THRB: variants seen among roughly 807,000 people sequenced by gnomAD.
THRB encodes the protein thyroid hormone receptor beta.
In THRB, 12 loss-of-function variants were observed where a neutral mutation model predicts 47.8. The observed-to-expected ratio is 0.25, with a 90% CI of 0.16 to 0.41. The LOEUF (loss-of-function observed/expected upper bound fraction) is 0.41, where lower values mean the gene tolerates loss of function less well. Among genes scored for constraint, THRB ranks in the 10% least tolerant of loss-of-function variants. The probability of loss-of-function intolerance (pLI) is 1.00; values close to 1 mark genes in which losing one functional copy is unlikely to be tolerated. For synonymous variants in THRB, 218 were observed against 212.2 expected (o/e 1.03, Z -0.24); for missense variants, 348 against 589.2 (o/e 0.59, Z 4.24).
At chr3:24,280,808 C>A (rs1012580587) in intron 3 of THRB, among the ~76,000 whole-genome samples, 3 of 151,128 alleles carry the variant, frequency 2.0e-5, no homozygotes, top group Admixed American at 1.3e-4. Flanking sequence ...CTCAGGAGCC[C>A]ATGCGATCAA....
chr3:24,130,831 C>T (rs1249834800), intron 9 of THRB, among the ~76,000 whole-genome samples: 1 of 152,092 alleles, frequency 6.6e-6, no homozygotes, highest in African/African-American at 2.4e-5. Context: ...AGAACATTCA[C>T]AGGAGCATAT....
intron 5 of THRB, among the ~76,000 whole-genome samples, chr3:24,179,179 C>CT (rs903066064): frequency 1.3e-5 from 2 of 152,172 alleles, no homozygotes; most frequent in African/African-American, 4.8e-5. Flanking sequence ...CTCTCCAGCT[C>CT]TGGTCCTCAC....
At chr3:24,335,522 G>T (rs2062193767) in intron 2 of THRB, among the ~76,000 whole-genome samples, 1 of 151,972 alleles carries the variant, frequency 6.6e-6, no homozygotes. Flanking sequence ...TTTCCTCTTT[G>T]TTTTTATTTT....
intron 3 of THRB, among the ~76,000 whole-genome samples, chr3:24,271,060 A>T (rs1183677013): frequency 3.9e-5 from 6 of 152,150 alleles, no homozygotes; most frequent in Non-Finnish European, 4.4e-5. Flanking sequence ...GCATGTGAGG[A>T]TAACTTGTCA....
At chr3:24,266,644 G>A (rs1055047938) in intron 3 of THRB, among the ~76,000 whole-genome samples, 6 of 152,176 alleles carry the variant, frequency 3.9e-5, no homozygotes, top group African/African-American at 1.4e-4. Context: ...GGGATTTAAA[G>A]AGGGAGCCAG....
chr3:24,474,125 T>C (rs1039216373), intron 1 of THRB, among the ~76,000 whole-genome samples: 2 of 152,198 alleles, frequency 1.3e-5, no homozygotes, highest in African/African-American at 4.8e-5. Flanking sequence ...AAAAGTTCGT[T>C]GTATGCTTTG....
intron 1 of THRB, among the ~76,000 whole-genome samples, chr3:24,365,905 T>A (rs2064423099): frequency 6.6e-6 from 1 of 152,124 alleles, no homozygotes; most frequent in Non-Finnish European, 1.5e-5. Flanking sequence ...CAAAGCAATG[T>A]AAAAGAAAAT....
intron 1 of THRB, among the ~76,000 whole-genome samples, chr3:24,358,183 T>C (rs1029925096): frequency 6.6e-6 from 1 of 152,172 alleles, no homozygotes; most frequent in Non-Finnish European, 1.5e-5. Flanking sequence ...GTGCTGTATA[T>C]AGTAATTAAA....
chr3:24,481,247 T>G (rs1040134689), intron 1 of THRB, among the ~76,000 whole-genome samples: 2 of 143,840 alleles, frequency 1.4e-5, no homozygotes, highest in Admixed American at 6.8e-5. Flanking sequence ...TTTTTTTTTT[T>G]TTTTTTTTTT....
intron 5 of THRB, among the ~76,000 whole-genome samples, chr3:24,172,482 T>G (rs1309013604): frequency 6.6e-6 from 1 of 152,106 alleles, no homozygotes; most frequent in African/African-American, 2.4e-5. Flanking sequence ...TGTTTCTAAT[T>G]TTTTCCCTTG....
At chr3:24,369,387 T>G (rs2064737219) in intron 1 of THRB, among the ~76,000 whole-genome samples, 1 of 152,146 alleles carries the variant, frequency 6.6e-6, no homozygotes, top group Non-Finnish European at 1.5e-5. Flanking sequence ...AGCTTGTGAG[T>G]TGCAGAGCTG....
intron 1 of THRB, among the ~76,000 whole-genome samples, chr3:24,338,304 G>A (rs1012245036): frequency 1.3e-5 from 2 of 152,156 alleles, no homozygotes; most frequent in African/African-American, 4.8e-5. Context: ...CAGAATGTGA[G>A]TTGGTTTGTA....
chr3:24,262,106 A>T (rs1228839002), intron 3 of THRB, among the ~76,000 whole-genome samples: 1 of 152,188 alleles, frequency 6.6e-6, no homozygotes, highest in Non-Finnish European at 1.5e-5. Flanking sequence ...AATAAACTTG[A>T]TATGTCCAAA....
intron 3 of THRB, among the ~76,000 whole-genome samples, chr3:24,271,316 C>G (rs2053303310): frequency 6.6e-6 from 1 of 152,122 alleles, no homozygotes; most frequent in Admixed American, 6.5e-5. Context: ...TGTTCTATCT[C>G]TCAGGATCAG....
At chr3:24,372,251 G>A (rs2064974270) in intron 1 of THRB, among the ~76,000 whole-genome samples, 1 of 152,020 alleles carries the variant, frequency 6.6e-6, no homozygotes, top group Admixed American at 6.6e-5. Context: ...TCAGGTGATA[G>A]TAATTCTACC....
intron 1 of THRB, among the ~76,000 whole-genome samples, chr3:24,382,467 A>C (rs2065785631): frequency 6.6e-6 from 1 of 152,158 alleles, no homozygotes; most frequent in Admixed American, 6.6e-5. Context: ...AACTATGTTA[A>C]AGTTATCGAT....
At chr3:24,257,050 C>T (rs1323104252) in intron 3 of THRB, among the ~76,000 whole-genome samples, 1 of 152,106 alleles carries the variant, frequency 6.6e-6, no homozygotes, top group Non-Finnish European at 1.5e-5. Context: ...TGTAACTTGT[C>T]ATGTGACCTT....
At chr3:24,196,956 C>T (rs1575779457) in intron 4 of THRB, among the ~76,000 whole-genome samples, 1 of 152,236 alleles carries the variant, frequency 6.6e-6, no homozygotes. Context: ...ACCCTCCAAA[C>T]TTCCATCCCA....
At chr3:24,140,062 T>C (rs955112545) in intron 8 of THRB, among the ~76,000 whole-genome samples, 1 of 152,258 alleles carries the variant, frequency 6.6e-6, no homozygotes, top group African/African-American at 2.4e-5. Flanking sequence ...CAAAGCTGTC[T>C]TTAAGTAAAG....
Sources: allele counts gnomAD v4.1 joint callset (sites outside exome capture counted in the v4.1 genomes callset), GRCh38; gene constraint gnomAD v4.1.1; transcripts MANE v1.5; gene names NCBI Gene and HGNC (gene_info 2026-07-23, HGNC 2026-07-21).